EPHA5: variants seen among roughly 807,000 people sequenced by gnomAD.
EPHA5 encodes the protein EPH receptor A5.
Under a neutral mutation model 105.0 loss-of-function variants are expected in EPHA5, and 60 were observed. The observed-to-expected ratio is 0.57, with a 90% CI of 0.46 to 0.71. EPHA5 has a LOEUF of 0.71. Ranked by LOEUF, EPHA5 falls within the 30% of genes least tolerant of loss-of-function variation. The pLI, the probability that EPHA5 is intolerant of heterozygous loss-of-function variation, is 0.00. For synonymous variants in EPHA5, 513 were observed against 449.1 expected (o/e 1.14, Z -1.80); for missense variants, 1,218 against 1,274.7 (o/e 0.96, Z 0.68).
intron 5 of EPHA5, among the ~76,000 whole-genome samples, chr4:65,443,946 C>T (rs1211177530): frequency 1.3e-5 from 2 of 151,462 alleles, no homozygotes; most frequent in Middle Eastern, 3.4e-3. Flanking sequence ...CGTGTGCACG[C>T]GCACATGCGC....
intron 2 of EPHA5, among the ~76,000 whole-genome samples, chr4:65,605,766 C>T (rs1405885122): frequency 6.6e-6 from 1 of 151,848 alleles, no homozygotes; most frequent in African/African-American, 2.4e-5. Context: ...AGTACAAGCC[C>T]GAAGCTCTAG....
At chr4:65,437,138 T>C (rs1440063234) in intron 5 of EPHA5, among the ~76,000 whole-genome samples, 1 of 152,078 alleles carries the variant, frequency 6.6e-6, no homozygotes, top group Non-Finnish European at 1.5e-5. Context: ...TGATAAGTTA[T>C]TTACAATATT....
intron 1 of EPHA5, among the ~76,000 whole-genome samples, chr4:65,646,899 A>G (rs1191613900): frequency 2.6e-5 from 4 of 152,174 alleles, no homozygotes; most frequent in African/African-American, 9.7e-5. Context: ...TATAATTATT[A>G]CAGGTGTTCT....
chr4:65,511,792 C>A (rs1381125753), intron 3 of EPHA5, among the ~76,000 whole-genome samples: 2 of 152,056 alleles, frequency 1.3e-5, no homozygotes, highest in Non-Finnish European at 2.9e-5. Flanking sequence ...GGTTTTTAAG[C>A]AATGCCTGCT....
Position 65,479,780 on chromosome 4 carries a change from T to A in EPHA5, c.1402+10597A>T, listed in dbSNP as rs553377760. ...CATGTATGGATTTATAAAACATGAT[T>A]ATGTAGAAAAAATTATATACAATAA... On this transcript the variant is annotated intron_variant, in intron 5 of 16. Transcript: ENST00000613740. 9.2e-5 allele frequency among the ~76,000 whole-genome samples: 14 copies of A among 152,242 alleles called. No individual in the cohort carries two copies. In the East Asian group the frequency reaches 1.4e-3, roughly 15 times the overall value.
chr4:65,487,459 AT>A (rs1730987567), intron 5 of EPHA5, among the ~76,000 whole-genome samples: 2 of 152,190 alleles, frequency 1.3e-5, no homozygotes, highest in Admixed American at 6.5e-5. Context: ...CTCAGGGGTC[AT>A]GCAGCCAGAA....
At chr4:65,329,026 T>C (rs1720349264) in intron 16 of EPHA5, among the ~76,000 whole-genome samples, 1 of 151,262 alleles carries the variant, frequency 6.6e-6, no homozygotes, top group Non-Finnish European at 1.5e-5. Context: ...ATTTTGCTCA[T>C]TTTCTGAATA....
At chr4:65,640,289 T>C (rs1009545320) in intron 2 of EPHA5, among the ~76,000 whole-genome samples, 19 of 138,182 alleles carry the variant, frequency 1.4e-4, no homozygotes, top group African/African-American at 3.5e-4. Flanking sequence ...TTTCTTTTTT[T>C]TTTTTTTTTT....
chr4:65,407,119 T>C (rs1722438086), intron 7 of EPHA5, among the ~76,000 whole-genome samples: 1 of 152,130 alleles, frequency 6.6e-6, no homozygotes, highest in Admixed American at 6.6e-5. Flanking sequence ...ATCTAAAATA[T>C]CATTTTTATG....
intron 6 of EPHA5, among the ~76,000 whole-genome samples, chr4:65,418,791 TGAAA>T (rs1723637449): frequency 6.8e-6 from 1 of 147,700 alleles, no homozygotes; most frequent in Non-Finnish European, 1.5e-5. Flanking sequence ...AATCAATGAA[TGAAA>T]GAAGAAAATT....
intron 14 of EPHA5, among the ~76,000 whole-genome samples, chr4:65,347,296 A>G (rs1722316483): frequency 6.6e-6 from 1 of 152,208 alleles, no homozygotes; most frequent in Non-Finnish European, 1.5e-5. Context: ...GTCTCATGAT[A>G]AGGGCTCAAT....
At chr4:65,324,613 C>T (rs1184524550) in intron 16 of EPHA5, among the ~76,000 whole-genome samples, 1 of 151,082 alleles carries the variant, frequency 6.6e-6, no homozygotes, top group Non-Finnish European at 1.5e-5. Flanking sequence ...TTGAAATAGA[C>T]TTTTAATATT....
rs1747847893 is a variant in EPHA5 at position 65,643,498 on chromosome 4, T to C, written c.182-71A>G. ...GAATATTGTATCTCTATTTTAATAG[T>C]GTTATTAAAATTGCATGTTGTTTAC... is the stretch of plus-strand genomic sequence containing the variant. On this transcript the variant is annotated intron_variant, in intron 1 of 16. Transcript: ENST00000613740. 18 of 1,269,888 alleles carry C rather than the reference T, an allele frequency of 1.4e-5. No individual in the cohort carries two copies. The South Asian group carries it at 2.2e-4, about 15-fold the overall frequency. The allele number at this position is 1,269,888 out of a possible 1,614,324, so 78.7% of individuals were successfully genotyped here.
intron 2 of EPHA5, among the ~76,000 whole-genome samples, chr4:65,604,795 C>T (rs773431019): frequency 6.6e-5 from 10 of 151,158 alleles, no homozygotes; most frequent in East Asian, 1.9e-4. Flanking sequence ...ATGTGGCAGA[C>T]GTATTCCTAG....
intron 8 of EPHA5, among the ~76,000 whole-genome samples, chr4:65,373,787 T>C (rs901568904): frequency 2.0e-5 from 3 of 151,904 alleles, no homozygotes; most frequent in Non-Finnish European, 2.9e-5. Context: ...ATTTTCAAAA[T>C]AGTGACTGCT....
At chr4:65,513,683 G>T (rs991264719) in intron 3 of EPHA5, among the ~76,000 whole-genome samples, 6 of 152,086 alleles carry the variant, frequency 3.9e-5, no homozygotes, top group Non-Finnish European at 8.8e-5. Context: ...ACTGCGCCCA[G>T]CCTCAAAAGA....
At chr4:65,438,144 C>A (rs965716049) in intron 5 of EPHA5, among the ~76,000 whole-genome samples, 4 of 151,794 alleles carry the variant, frequency 2.6e-5, no homozygotes, top group African/African-American at 9.7e-5. Context: ...AGAACAAGGT[C>A]CATACTTTCT....
At chr4:65,564,500 A>T (rs1425607164) in intron 3 of EPHA5, among the ~76,000 whole-genome samples, 1 of 151,754 alleles carries the variant, frequency 6.6e-6, no homozygotes, top group Non-Finnish European at 1.5e-5. Flanking sequence ...CCTGGCTATG[A>T]ATATATTGTG....
rs530437607 is a variant in EPHA5 at position 65,431,755 on chromosome 4, T to G, written c.1403-11190A>C. 2.0e-5 allele frequency among the ~76,000 whole-genome samples: 3 copies of G among 152,290 alleles called. No individual in the cohort carries two copies. The East Asian group carries it at 5.8e-4, about 29-fold the overall frequency. On this transcript the variant is annotated intron_variant, in intron 5 of 16. Coordinates refer to ENST00000613740, the MANE Select transcript of EPHA5 (RefSeq NM_001281766.3). ...TGGGAAAAGTATTAGATATCACAGA[T>G]AGAGAAAGTTAGATCATTCCTCTGA...
Sources: allele counts gnomAD v4.1 joint callset (sites outside exome capture counted in the v4.1 genomes callset), GRCh38; gene constraint gnomAD v4.1.1; transcripts MANE v1.5; gene names NCBI Gene and HGNC (gene_info 2026-07-23, HGNC 2026-07-21).